The following WNT5B variants were observed in gnomAD, a reference collection of about 807,000 sequenced individuals.
WNT5B encodes Wnt family member 5B.
In WNT5B, 18 loss-of-function variants were observed where a neutral mutation model predicts 36.5. That is an observed-to-expected ratio of 0.49 (90% CI 0.34 to 0.73). The LOEUF (loss-of-function observed/expected upper bound fraction) is 0.73. Ranked by LOEUF, WNT5B falls within the 30% of genes least tolerant of loss-of-function variation. The pLI is 0.01. For missense variants in WNT5B, 424 were observed against 508.4 expected (o/e 0.83, Z 1.60); for synonymous variants, 213 against 212.3 (o/e 1.00, Z -0.03).
intron 4 of WNT5B, among the ~76,000 whole-genome samples, chr12:1,642,277 G>C (rs1360617156): frequency 2.6e-5 from 4 of 152,170 alleles, no homozygotes; most frequent in African/African-American, 9.7e-5. Flanking sequence ...TGTCAATGAA[G>C]GGGTTAAGAT....
chr12:1,620,217 C>CA, intron 1 of WNT5B, among the ~76,000 whole-genome samples: 1 of 152,182 alleles, frequency 6.6e-6, no homozygotes, highest in East Asian at 1.9e-4. Flanking sequence ...TCACAGCCCC[C>CA]TCCCTTGGAA....
chr12:1,636,500 T>C (rs1167372914), intron 3 of WNT5B, among the ~76,000 whole-genome samples: 66 of 1,688 alleles, frequency 0.039, no homozygotes, highest in African/African-American at 0.066. Context: ...TTGCAGTCTA[T>C]ATATATATAT....
chr12:1,632,871 C>A lies in WNT5B; in HGVS notation c.294C>A (p.Asp98Glu), dbSNP rs1295883302. The change falls in exon 3 of 5, where the codon GAC becomes GAA. Residue 98 changes from aspartate to glutamate, a missense_variant. Coordinates refer to ENST00000397196, the MANE Select transcript of WNT5B (RefSeq NM_032642.3). This position sits in a 1 kb window ranked among gnomAD's most constrained non-coding sequence, Gnocchi z 5.8. ...GGCGGTGGAATTGCAGCACAGCGGA[C>A]AACGCATCTGTCTTTGGGAGAGTCA... ...RQRRWNCSTA[D>E]NASVFGRVMQ... 1 of 1,613,898 alleles carries A rather than the reference C, an allele frequency of 6.2e-7. No individual in the cohort carries two copies. Among genetic ancestry groups the A allele is most frequent in the African/African-American group, 1.3e-5 (1 of 75,050 alleles).
intron 4 of WNT5B, chr12:1,645,059 A>C (rs143135195): frequency 6.6e-6 from 1 of 152,236 alleles, no homozygotes; most frequent in Non-Finnish European, 1.5e-5. Context: ...TAGTGACTAC[A>C]TGGTAACATG....
Position 1,639,757 on chromosome 12 carries a change from C to G in WNT5B, c.402C>G (p.Arg134=), listed in dbSNP as rs1282804118. 1.2e-6 allele frequency: 2 copies of G among 1,606,340 alleles called. No individual in the cohort carries two copies. Among genetic ancestry groups the G allele is most frequent in the Middle Eastern group, 1.7e-4 (1 of 6,008 alleles). The part of the protein sequence containing the change: ...GVVNAISRAC[R]EGELSTCGCS... Reference sequence around the variant, plus strand: ...TCAACGCCATCAGCCGGGCCTGCCGCGAGGGCGAGCTCTCCACCTGCGGCT... The same window carrying G: ...TCAACGCCATCAGCCGGGCCTGCCGGGAGGGCGAGCTCTCCACCTGCGGCT... The change falls in exon 4 of 5, where the codon CGC becomes CGG. Residue 134 remains arginine (R), a synonymous_variant. Coordinates refer to ENST00000397196, the MANE Select transcript of WNT5B (RefSeq NM_032642.3).
In WNT5B at chr12:1,645,659, G is replaced by A. The variant is rs2094583914; in HGVS notation, c.622-135G>A. 6.4e-6 allele frequency: 5 copies of A among 776,270 alleles called. No individual in the cohort carries two copies. The Admixed American group carries it at 1.4e-4, about 22-fold the overall frequency. 48.1% of individuals were successfully genotyped at this position (776,270 alleles called of 1,614,324 possible). A position where few individuals can be genotyped will look rare whatever the true frequency, so the allele number is the denominator to read the frequency against. ...ACCTGAGCATCTTGGAAAGATCTTT[G>A]CATGCATTTGAAAAGCTATCTATCC... On this transcript the variant is annotated intron_variant, in intron 4 of 4. Coordinates refer to ENST00000397196, the MANE Select transcript of WNT5B (RefSeq NM_032642.3).
chr12:1,640,060 T>C, intron 4 of WNT5B, 84 bp downstream of exon 4: 1 of 1,474,938 alleles, frequency 6.8e-7, no homozygotes, highest in South Asian at 1.3e-5. Flanking sequence ...GGCCTGGCCT[T>C]CAAGGAAACG....
At chr12:1,619,671 A>T (rs1424574938) in intron 1 of WNT5B, among the ~76,000 whole-genome samples, 3 of 152,096 alleles carry the variant, frequency 2.0e-5, no homozygotes, top group African/African-American at 7.2e-5. Flanking sequence ...AGTGAGACAG[A>T]GGGTGATTTT....
intron 4 of WNT5B, among the ~76,000 whole-genome samples, chr12:1,643,984 G>A (rs1487665749): frequency 6.6e-6 from 1 of 152,046 alleles, no homozygotes; most frequent in Admixed American, 6.6e-5. Flanking sequence ...GTCTTGCTCC[G>A]ACTCTCCTTC....
chr12:1,639,968 G>C lies in WNT5B; in HGVS notation c.613G>C (p.Gly205Arg). ...CATGAACCTGCAAAACAACGAGGCCGGTCGCAGGGTAAGCTGGGCCTCCCC... is the reference window on the plus strand; with the variant it reads ...CATGAACCTGCAAAACAACGAGGCCCGTCGCAGGGTAAGCTGGGCCTCCCC... ...VLMNLQNNEA[G>R]RRAVYKMADV... The change falls in exon 4 of 5, where the codon GGT (glycine) becomes CGT (arginine). Residue 205 changes from glycine to arginine, a missense_variant. Gly to Arg is a moderately radical substitution (Grantham distance 125). Coordinates refer to ENST00000397196, the MANE Select transcript of WNT5B (RefSeq NM_032642.3). 6.2e-7 allele frequency: 1 copy of C among 1,611,332 alleles called. No individual in the cohort carries two copies. The highest frequency in any genetic ancestry group is 1.1e-5 in the South Asian group (1 of 90,660).
At chr12:1,624,415 A>G (rs1171347194), upstream of WNT5B, among the ~76,000 whole-genome samples, 1 of 150,010 alleles carries the variant, frequency 6.7e-6, no homozygotes, top group African/African-American at 2.5e-5. Context: ...AAAGCAGAGA[A>G]GGTGTTATGC....
chr12:1,628,764 C>A (rs2154439455), upstream of WNT5B, among the ~76,000 whole-genome samples: 1 of 152,334 alleles, frequency 6.6e-6, no homozygotes, highest in South Asian at 2.1e-4. Context: ...ATTTACCTTT[C>A]TAAGGGGTCC....
intron 4 of WNT5B, among the ~76,000 whole-genome samples, chr12:1,643,612 C>T (rs908105962): frequency 2.0e-5 from 3 of 151,392 alleles, no homozygotes; most frequent in Non-Finnish European, 4.4e-5. Flanking sequence ...GTGATCCGCC[C>T]GCCTTGGCCT....
chr12:1,641,637 T>C (rs2094575536), intron 4 of WNT5B, among the ~76,000 whole-genome samples: 1 of 151,764 alleles, frequency 6.6e-6, no homozygotes, highest in Non-Finnish European at 1.5e-5. Flanking sequence ...ACCCCATCTC[T>C]AGTAAAAATA....
intron 4 of WNT5B, among the ~76,000 whole-genome samples, chr12:1,641,720 C>T (rs184526422): frequency 2.6e-5 from 4 of 151,662 alleles, no homozygotes; most frequent in African/African-American, 9.7e-5. Flanking sequence ...AGGAGAATTG[C>T]TTGAGCCAGA....
rs778120275 is a variant in WNT5B, at chr12:1,620,699, C to T, written c.-58+3556C>T. Among the ~76,000 whole-genome samples the T allele has an allele frequency of 7.0e-4, 84 of 120,270 alleles. 2 individuals carry two copies. The highest frequency in any genetic ancestry group is 1.3e-3 in the Non-Finnish European group (74 of 56,776). 78.9% of individuals were successfully genotyped at this position (120,270 alleles called of 152,430 possible). ...GACTACAGGCACCCGCCACCACACC[C>T]AGCAAATTTTTTTTTTTTTTTTTTA... On this transcript the variant is annotated intron_variant, in intron 1 of 4. Transcript: ENST00000310594.
intron 2 of WNT5B, 62 bp downstream of exon 2, chr12:1,631,496 G>A: frequency 6.2e-7 from 1 of 1,610,878 alleles, no homozygotes; most frequent in Non-Finnish European, 8.5e-7. Context: ...CGACTGAGAT[G>A]AGGAGGAAGG....
Position 1,639,976 on chromosome 12 carries a change from G to A in WNT5B, c.621G>A (p.Arg207=). 1.2e-6 allele frequency: 2 copies of A among 1,609,846 alleles called. No individual in the cohort carries two copies. Among genetic ancestry groups the A allele is most frequent in the Non-Finnish European group, 1.7e-6 (2 of 1,178,378 alleles). ...TGCAAAACAACGAGGCCGGTCGCAG[G>A]GTAAGCTGGGCCTCCCCGGCCTCCC... ...MNLQNNEAGR[R]AVYKMADVAC... The change falls in exon 4 of 5, where the codon AGG becomes AGA. Residue 207 remains arginine (R), a splice_region_variant and synonymous_variant. Coordinates refer to ENST00000397196, the MANE Select transcript of WNT5B (RefSeq NM_032642.3).
chr12:1,640,075 A>G, intron 4 of WNT5B, 99 bp downstream of exon 4: 2 of 1,383,864 alleles, frequency 1.4e-6, no homozygotes, highest in Non-Finnish European at 1.9e-6. Context: ...GAAACGGGTT[A>G]GTCTGACCGT....
Sources: allele counts gnomAD v4.1 joint callset (sites outside exome capture counted in the v4.1 genomes callset), GRCh38; gene constraint gnomAD v4.1.1; non-coding constraint Gnocchi (gnomAD v3.1); transcripts MANE v1.5; gene names NCBI Gene and HGNC (gene_info 2026-07-23, HGNC 2026-07-21).